Variants in MEI4 observed in about 807,000 individuals in gnomAD.
MEI4 encodes the protein meiosis-specific protein MEI4.
Under a neutral mutation model 31.4 loss-of-function variants are expected in MEI4, and 27 were observed. That is an observed-to-expected ratio of 0.86 (90% CI 0.63 to 1.19). The LOEUF is 1.19. Ranked by LOEUF, MEI4 falls within the 50% of genes most tolerant of loss-of-function variation. The probability of loss-of-function intolerance (pLI) is 0.00; values close to 1 mark genes in which losing one functional copy is unlikely to be tolerated. For missense variants in MEI4, 329 were observed against 398.9 expected, an observed-to-expected ratio of 0.82 and a Z score of 1.49; for synonymous variants, 122 against 145.4, an observed-to-expected ratio of 0.84 and a Z score of 1.16.
rs889370057 is a variant in MEI4, at chr6:77,897,244, C to T, written c.901-25845C>T. ...TACTTACAAAGTAATATTCTAGTTT[C>T]TCAAAGATCTCAACCAACAAGGGCC... On this transcript the variant is annotated intron_variant, in intron 4 of 4. Transcript: ENST00000684080. 3.9e-5 allele frequency among the ~76,000 whole-genome samples: 6 copies of T among 152,104 alleles called. No individual in the cohort carries two copies. The East Asian group carries it at 1.2e-3, about 29-fold the overall frequency.
chr6:77,680,014 C>T (rs1463918765), intron 1 of MEI4, among the ~76,000 whole-genome samples: 1 of 151,054 alleles, frequency 6.6e-6, no homozygotes. Context: ...GCTGGGATTG[C>T]AGGCGTGAGC....
At chr6:77,868,416 TGTTA>T (rs1462368509) in intron 4 of MEI4, among the ~76,000 whole-genome samples, 1 of 147,780 alleles carries the variant, frequency 6.8e-6, no homozygotes, top group Non-Finnish European at 1.5e-5. Context: ...ACAGAACATT[TGTTA>T]GTTTGACTGC....
rs147260303 is a variant in MEI4, at chr6:77,829,061, A to T, written c.899A>T (p.Gln300Leu). ...GFADDLGAIN[Q>L]EQASYDVSRY... ...GCTGATGATCTGGGAGCCATCAATCAGGTACACATAACTTGAAACTGTAGT... is the reference window on the plus strand; with the variant it reads ...GCTGATGATCTGGGAGCCATCAATCTGGTACACATAACTTGAAACTGTAGT... The change falls in exon 4 of 5, where the codon CAG becomes CTG. Residue 300 changes from glutamine to leucine, a missense_variant and splice_region_variant. Transcript: ENST00000684080. The T allele has an allele frequency of 2.6e-4, 320 of 1,231,728 alleles. 1 individual carries two copies. The East Asian group carries it at 6.9e-3, about 26-fold the overall frequency. 76.3% of individuals were successfully genotyped at this position (1,231,728 alleles called of 1,614,324 possible).
intron 3 of MEI4, among the ~76,000 whole-genome samples, chr6:77,807,147 G>GTTT (rs11336125): frequency 2.1e-5 from 3 of 142,990 alleles, no homozygotes; most frequent in Non-Finnish European, 4.6e-5. Context: ...TGCTTCATAA[G>GTTT]TTTTTTTTTT....
At chr6:77,734,086 G>GA (rs1353771920) in intron 2 of MEI4, among the ~76,000 whole-genome samples, 2 of 151,906 alleles carry the variant, frequency 1.3e-5, no homozygotes, top group African/African-American at 2.4e-5. Context: ...GTGTGGTGCT[G>GA]AAAAAAATGT....
In MEI4 at chr6:77,658,205, G is replaced by A. The variant is rs7772836; in HGVS notation, c.-15+5113G>A. Among the ~76,000 whole-genome samples, 496 of 152,164 alleles carry A rather than the reference G, an allele frequency of 3.3e-3. 1 individual carries two copies. Among genetic ancestry groups the A allele is most frequent in the African/African-American group, 0.012 (479 of 41,502 alleles). On this transcript the variant is annotated intron_variant, in intron 1 of 4. Transcript: ENST00000684080. ...TAAGAGCAATGTTTTGCGGGCAGGGGGTGGGTCTCACAAAGTACATTCTCA... is the reference window on the plus strand; with the variant it reads ...TAAGAGCAATGTTTTGCGGGCAGGGAGTGGGTCTCACAAAGTACATTCTCA...
intron 2 of MEI4, among the ~76,000 whole-genome samples, chr6:77,755,646 T>A (rs1767896650): frequency 6.6e-6 from 1 of 152,102 alleles, no homozygotes; most frequent in African/African-American, 2.4e-5. Flanking sequence ...CTTGAACTCT[T>A]GACCTCATGA....
chr6:77,753,618 T>C (rs1305645570), intron 2 of MEI4, among the ~76,000 whole-genome samples: 1 of 152,180 alleles, frequency 6.6e-6, no homozygotes, highest in East Asian at 1.9e-4. Context: ...CTGGAGAGGA[T>C]GTGGAGAAAT....
intron 2 of MEI4, among the ~76,000 whole-genome samples, chr6:77,731,054 C>T (rs4708361): frequency 0.53 from 80,295 of 151,518 alleles, 22,892 homozygotes; most frequent in East Asian, 0.75. Flanking sequence ...TGGTTCCAAG[C>T]CTTTGCTAGT....
intron 1 of MEI4, among the ~76,000 whole-genome samples, chr6:77,683,613 A>C (rs1040864605): frequency 1.3e-5 from 2 of 152,092 alleles, no homozygotes; most frequent in African/African-American, 4.8e-5. Context: ...TATAGGTTTG[A>C]CTATTTTAGA....
chr6:77,751,238 C>T (rs1767765302), intron 2 of MEI4, among the ~76,000 whole-genome samples: 1 of 151,804 alleles, frequency 6.6e-6, no homozygotes. Context: ...AATTCAAGAG[C>T]TATCAGAAGA....
rs185750414 is a variant in MEI4 at position 77,763,921 on chromosome 6, C to T, written c.768+2256C>T. Among the ~76,000 whole-genome samples, 211 of 152,186 alleles carry T rather than the reference C, an allele frequency of 1.4e-3. 1 individual carries two copies. Among genetic ancestry groups the T allele is most frequent in the African/African-American group, 4.5e-3 (185 of 41,510 alleles). ...CTCCACTTCCTGGGTTCAGGCGATT[C>T]TCCTGCCTCAGCCTCCCTAGTAACT... On this transcript the variant is annotated intron_variant, in intron 3 of 4. Transcript: ENST00000684080.
At chr6:77,658,469 CCTT>C (rs1490403253) in intron 1 of MEI4, among the ~76,000 whole-genome samples, 2 of 151,894 alleles carry the variant, frequency 1.3e-5, no homozygotes, top group East Asian at 3.9e-4. Context: ...GACATTCCTG[CCTT>C]CTTATAAGAA....
In MEI4 at chr6:77,662,929, G is replaced by C. The variant is rs532665465; in HGVS notation, c.-15+9837G>C. Among the ~76,000 whole-genome samples the C allele has an allele frequency of 2.0e-5, 3 of 152,338 alleles. No homozygotes were observed. In the South Asian group the frequency reaches 6.2e-4, roughly 32 times the overall value. The stretch of plus-strand genomic sequence containing the variant: ...GGGCTGTCTGTGAAGCTTTGCAGCA[G>C]TACAGCCTAGGTAATTTGCTGAGCT... On this transcript the variant is annotated intron_variant, in intron 1 of 4. Coordinates refer to ENST00000684080, the MANE Select transcript of MEI4 (RefSeq NM_001322247.2).
Position 77,886,586 on chromosome 6 carries a change from G to A in MEI4, c.901-36503G>A, listed in dbSNP as rs532583424. Among the ~76,000 whole-genome samples, 8 of 151,756 alleles carry A rather than the reference G, an allele frequency of 5.3e-5. 1 individual carries two copies. Among genetic ancestry groups the A allele is most frequent in the South Asian group, 2.1e-4 (1 of 4,788 alleles). ...GCTGGAATTACAGGCACCCACAACC[G>A]TGGCTGGCTAATTGTTTTGTATTTT... On this transcript the variant is annotated intron_variant, in intron 4 of 4. Transcript: ENST00000684080.
At chr6:77,741,581 C>T (rs1767402136) in intron 2 of MEI4, among the ~76,000 whole-genome samples, 1 of 151,978 alleles carries the variant, frequency 6.6e-6, no homozygotes, top group South Asian at 2.1e-4. Flanking sequence ...CATGAAGTAT[C>T]CAGATGTTTG....
At chr6:77,777,016 T>G (rs1468928060) in intron 3 of MEI4, among the ~76,000 whole-genome samples, 1 of 152,146 alleles carries the variant, frequency 6.6e-6, no homozygotes, top group Non-Finnish European at 1.5e-5. Context: ...AATGGAGATA[T>G]GTATGCACCT....
intron 2 of MEI4, among the ~76,000 whole-genome samples, chr6:77,713,903 A>G (rs879513480): frequency 2.0e-5 from 3 of 151,212 alleles, no homozygotes; most frequent in Admixed American, 1.3e-4. Flanking sequence ...TTGCCTCTAC[A>G]GTTTTTTTTT....
intron 3 of MEI4, among the ~76,000 whole-genome samples, chr6:77,783,910 C>T (rs1029088515): frequency 1.3e-5 from 2 of 151,432 alleles, no homozygotes; most frequent in South Asian, 2.1e-4. Context: ...AAGATACGTT[C>T]CTTGGAGAAT....
Sources: gnomAD v4.1 joint callset for allele counts (sites outside exome capture counted in the v4.1 genomes callset) on GRCh38, gnomAD v4.1.1 for gene constraint, MANE v1.5 for transcripts, NCBI Gene and HGNC (gene_info 2026-07-23, HGNC 2026-07-21) for gene names.